The following AUH variants were observed in gnomAD, a reference collection of about 807,000 sequenced individuals.
AUH encodes methylglutaconyl-CoA hydratase, mitochondrial.
In AUH, 29 loss-of-function variants were observed where a neutral mutation model predicts 42.3. The observed-to-expected ratio is 0.69, with a 90% CI of 0.51 to 0.93. The LOEUF (loss-of-function observed/expected upper bound fraction) is 0.93. Among genes scored for constraint, AUH ranks in the 40% least tolerant of loss-of-function variants. The pLI is 0.00. For synonymous variants in AUH, 174 were observed against 166.4 expected (o/e 1.05, Z -0.35); for missense variants, 452 against 438.1 (o/e 1.03, Z -0.28).
At chr9:91,262,033 G>A (rs1325856097) in intron 6 of AUH, among the ~76,000 whole-genome samples, 1 of 151,694 alleles carries the variant, frequency 6.6e-6, no homozygotes, top group Non-Finnish European at 1.5e-5. Context: ...TAAACCAATG[G>A]GAAAAAAAGA....
intron 6 of AUH, among the ~76,000 whole-genome samples, chr9:91,254,838 T>C (rs533527226): frequency 1.3e-5 from 2 of 152,318 alleles, no homozygotes; most frequent in East Asian, 3.9e-4. Context: ...TAATTACCTA[T>C]GTGACCTTGG....
chr9:91,353,622 G>A (rs1055851579), intron 3 of AUH, among the ~76,000 whole-genome samples: 2 of 151,658 alleles, frequency 1.3e-5, no homozygotes, highest in Non-Finnish European at 2.9e-5. Context: ...AGCGGATCAC[G>A]AGGTCAGGAG....
chr9:91,231,561 G>A (rs767983080), intron 6 of AUH, among the ~76,000 whole-genome samples: 2 of 152,166 alleles, frequency 1.3e-5, no homozygotes, highest in African/African-American at 4.8e-5. Flanking sequence ...GTTCCTATTC[G>A]GTCATCTAAA....
intron 6 of AUH, among the ~76,000 whole-genome samples, chr9:91,284,133 G>A (rs868717301): frequency 6.6e-6 from 1 of 152,046 alleles, no homozygotes; most frequent in Non-Finnish European, 1.5e-5. Flanking sequence ...CAATGGAATC[G>A]AACAGAGCCC....
intron 6 of AUH, among the ~76,000 whole-genome samples, chr9:91,224,368 C>T (rs553753104): frequency 6.6e-6 from 1 of 152,214 alleles, no homozygotes; most frequent in Admixed American, 6.5e-5. Flanking sequence ...AATCCTTTAT[C>T]AGATATAGAC....
chr9:91,239,855 C>G (rs2131333816), intron 6 of AUH, among the ~76,000 whole-genome samples: 1 of 152,212 alleles, frequency 6.6e-6, no homozygotes, highest in Middle Eastern at 3.4e-3. Context: ...AGTTTGAGCT[C>G]TTTGTGGATT....
chr9:91,220,432 G>C (rs1266402754), intron 7 of AUH, among the ~76,000 whole-genome samples: 1 of 152,170 alleles, frequency 6.6e-6, no homozygotes, highest in Non-Finnish European at 1.5e-5. Context: ...TTTGACTTGG[G>C]GTGGCCCAGT....
At chr9:91,333,819 C>A (rs1830504050) in intron 3 of AUH, among the ~76,000 whole-genome samples, 1 of 152,184 alleles carries the variant, frequency 6.6e-6, no homozygotes, top group African/African-American at 2.4e-5. Flanking sequence ...CAGAAACTGC[C>A]AGAATAAGAA....
intron 6 of AUH, among the ~76,000 whole-genome samples, chr9:91,262,725 C>A (rs1447057190): frequency 1.3e-5 from 2 of 152,024 alleles, no homozygotes; most frequent in Non-Finnish European, 2.9e-5. Context: ...GGGGTGGGGA[C>A]AACATTCATG....
At chr9:91,340,846 T>C (rs1374077195) in intron 3 of AUH, among the ~76,000 whole-genome samples, 1 of 152,152 alleles carries the variant, frequency 6.6e-6, no homozygotes, top group Admixed American at 6.5e-5. Flanking sequence ...TGCAGGCCAG[T>C]CTGCACCCAG....
intron 6 of AUH, among the ~76,000 whole-genome samples, chr9:91,291,567 T>C (rs751670544): frequency 6.6e-6 from 1 of 152,214 alleles, no homozygotes; most frequent in Non-Finnish European, 1.5e-5. Flanking sequence ...GCAGGCATAA[T>C]AGAGTAAGTA....
chr9:91,221,227 A>G (rs1216644514), intron 6 of AUH, among the ~76,000 whole-genome samples: 1 of 152,222 alleles, frequency 6.6e-6, no homozygotes. Context: ...TTTGGCACTG[A>G]GTATCACCTG....
chr9:91,333,323 TTTTA>T (rs1433303906), intron 3 of AUH, among the ~76,000 whole-genome samples: 7 of 152,216 alleles, frequency 4.6e-5, no homozygotes, highest in South Asian at 2.1e-4. Flanking sequence ...CTTTAAAATA[TTTTA>T]TTTGTCATTC....
chr9:91,249,292 C>CAAAAAA lies in AUH; in HGVS notation c.656-28306_656-28301dup, dbSNP rs59102669. ...TGCCTGGGCGACAGAGAACCTGTCT[C>CAAAAAA]AAAAAAAAAAAAAAAAAAAAAAAAA... is the stretch of plus-strand genomic sequence containing the variant. On this transcript the variant is annotated intron_variant, in intron 6 of 9. Transcript: ENST00000375731. Among the ~76,000 whole-genome samples, 44 of 32,530 alleles carry CAAAAAA rather than the reference C, an allele frequency of 1.4e-3. 1 individual carries two copies. The highest frequency in any genetic ancestry group is 3.1e-3 in the Admixed American group (6 of 1,924). 21.3% of individuals were successfully genotyped at this position (32,530 alleles called of 152,430 possible). A position where few individuals can be genotyped will look rare whatever the true frequency, so the allele number is the denominator to read the frequency against.
chr9:91,249,960 T>C (rs147235088), intron 6 of AUH, among the ~76,000 whole-genome samples: 2,797 of 147,950 alleles, frequency 0.019, 34 homozygotes, highest in Middle Eastern at 0.075. Context: ...TGCAGTGAGC[T>C]GAGATAGTGC....
chr9:91,318,605 ATAT>A (rs2131818220), intron 4 of AUH, among the ~76,000 whole-genome samples: 1 of 152,318 alleles, frequency 6.6e-6, no homozygotes, highest in African/African-American at 2.4e-5. Context: ...CCCGAGCAGG[ATAT>A]TACTTCAAGG....
rs115690991 is a variant in AUH at position 91,310,560 on chromosome 9, A to G, written c.506-12484T>C. Among the ~76,000 whole-genome samples the G allele has an allele frequency of 3.0e-3, 463 of 152,348 alleles. 5 individuals are homozygous for G. Among genetic ancestry groups the G allele is most frequent in the African/African-American group, 0.011 (442 of 41,584 alleles). On this transcript the variant is annotated intron_variant, in intron 4 of 9. Coordinates refer to ENST00000375731, the MANE Select transcript of AUH (RefSeq NM_001698.3). ...TTTTCTGATTCCACATCAAGAGATC[A>G]AGATCAATAAACTTACACCAAAATA...
At chr9:91,260,429 G>T (rs1434676889) in intron 6 of AUH, among the ~76,000 whole-genome samples, 1 of 152,094 alleles carries the variant, frequency 6.6e-6, no homozygotes, top group Non-Finnish European at 1.5e-5. Flanking sequence ...TCTTTGGAAT[G>T]AGTGTTTTTA....
At position 91,325,340 on chromosome 9, in the gene AUH, T is replaced by G. The variant is rs7874056; in HGVS notation, c.483A>C (p.Ile161=). The G allele has an allele frequency of 0.1, 161,220 of 1,613,346 alleles. 8,792 individuals are homozygous for G. The highest frequency in any genetic ancestry group is 0.18 in the African/African-American group (13,228 of 74,982). Reference sequence around the variant, plus strand: ...TACCAATATCGTTAATCACTGCTCTTATTTTGGAGACAAAAGGACCAACTT... The same window carrying G: ...TACCAATATCGTTAATCACTGCTCTGATTTTGGAGACAAAAGGACCAACTT... ...SSEVGPFVSK[I]RAVINDIANL... is the part of the protein sequence containing the mutation. The change falls in exon 4 of 10, where the codon ATA becomes ATC. Residue 161 remains isoleucine (I), a synonymous_variant. Transcript: ENST00000375731.
Sources: allele counts gnomAD v4.1 joint callset (sites outside exome capture counted in the v4.1 genomes callset), GRCh38; gene constraint gnomAD v4.1.1; transcripts MANE v1.5; gene names NCBI Gene and HGNC (gene_info 2026-07-23, HGNC 2026-07-21).